Variants in RAB11FIP5 observed in about 807,000 individuals in gnomAD.
The protein encoded by RAB11FIP5 is RAB11 family interacting protein 5.
In RAB11FIP5, 48 loss-of-function variants were observed where a neutral mutation model predicts 85.1. The ratio of observed to expected loss-of-function variants is 0.56; its 90% CI spans 0.45 to 0.72. RAB11FIP5 has a LOEUF of 0.72. Among genes scored for constraint, RAB11FIP5 ranks in the 30% least tolerant of loss-of-function variants. RAB11FIP5 has a pLI of 0.00. For synonymous variants in RAB11FIP5, 729 were observed against 727.3 expected (o/e 1.00, Z -0.04); for missense variants, 1,491 against 1,687.0 (o/e 0.88, Z 2.04).
Position 73,075,309 on chromosome 2 carries a change from C to A in RAB11FIP5, c.*212G>T. The A allele has an allele frequency of 1.4e-6, 1 of 708,618 alleles. No homozygotes were observed. The highest frequency in any genetic ancestry group is 2.6e-6 in the Non-Finnish European group (1 of 390,774). The allele number at this position is 708,618 out of a possible 1,614,324, so 43.9% of individuals were successfully genotyped here. A position where few individuals can be genotyped will look rare whatever the true frequency, so the allele number is the denominator to read the frequency against. On this transcript the variant is annotated 3_prime_UTR_variant, in exon 6 of 6. Transcript: ENST00000486777. This position sits in a 1 kb window ranked among gnomAD's most constrained non-coding sequence, Gnocchi z 4.6. Reference sequence around the variant, plus strand: ...GCAGGTGGGAAAGACCCAGGGCTCCCAAAGACACACAAGTTGTGCACAGAA... The same window carrying A: ...GCAGGTGGGAAAGACCCAGGGCTCCAAAAGACACACAAGTTGTGCACAGAA...
At chr2:73,108,578 T>C (rs1684575971) in intron 1 of RAB11FIP5, among the ~76,000 whole-genome samples, 1 of 152,192 alleles carries the variant, frequency 6.6e-6, no homozygotes. Flanking sequence ...TCTTCTGATA[T>C]ATCCAGGTCC....
chr2:73,097,919 C>T (rs73943408), intron 1 of RAB11FIP5, among the ~76,000 whole-genome samples: 9,045 of 152,118 alleles, frequency 0.059, 320 homozygotes, highest in East Asian at 0.14. Context: ...AAAAAGGCCA[C>T]TGATCTTATC....
intron 1 of RAB11FIP5, among the ~76,000 whole-genome samples, chr2:73,094,251 C>T (rs772570785): frequency 3.3e-5 from 5 of 151,722 alleles, no homozygotes; most frequent in Non-Finnish European, 5.9e-5. Context: ...AAGGTTTTTT[C>T]TCCCTCTCTG....
At chr2:73,094,088 T>A (rs1574300364) in intron 1 of RAB11FIP5, among the ~76,000 whole-genome samples, 1 of 132,588 alleles carries the variant, frequency 7.5e-6, no homozygotes, top group East Asian at 2.2e-4. Flanking sequence ...ATCACTGCAC[T>A]CCAGCCTGGG....
In RAB11FIP5 at chr2:73,076,091, T is replaced by C; in HGVS notation, c.3673A>G (p.Ser1225Gly). The C allele has an allele frequency of 2.5e-6, 4 of 1,614,150 alleles. No homozygotes were observed. The highest frequency in any genetic ancestry group is 3.4e-6 in the Non-Finnish European group (4 of 1,179,950). ...ACTGTTTTGAGCTTCTCCAGCCCAC[T>C]GCTCAGGGCTATGCTCAGACTGGAG... The part of the protein sequence containing the change: ...SRSSLSIALS[S>G]GLEKLKTVTS... Residue 1225 changes from serine to glycine, a missense_variant, in exon 5 of 6, where the codon AGT becomes GGT. Physicochemically the swap from Ser to Gly is moderately conservative, Grantham distance 56. Around this residue, in one of 3 missense-constraint regions of RAB11FIP5, gnomAD observed 232 missense variants for 259.1 expected, o/e 0.90. Coordinates refer to ENST00000486777, the MANE Select transcript of RAB11FIP5 (RefSeq NM_001371272.1).
intron 1 of RAB11FIP5, among the ~76,000 whole-genome samples, chr2:73,107,796 G>T (rs1179681793): frequency 2.0e-5 from 3 of 152,152 alleles, no homozygotes; most frequent in African/African-American, 4.8e-5. Context: ...AGTGCCACAG[G>T]CCTCCCATGC....
chr2:73,088,800 C>T (rs1412693008), intron 2 of RAB11FIP5, 51 bp from the exon 3 acceptor site: 1 of 1,538,432 alleles, frequency 6.5e-7, no homozygotes, highest in Non-Finnish European at 8.7e-7. Context: ...GCCCCATTTC[C>T]TGGCCCCAGG....
Position 73,112,468 on chromosome 2 carries a change from C to T in RAB11FIP5, c.310G>A (p.Ala104Thr), listed in dbSNP as rs1470585447. 3 of 1,477,958 alleles carry T rather than the reference C, an allele frequency of 2.0e-6. No homozygotes were observed. Among genetic ancestry groups the T allele is most frequent in the African/African-American group, 1.5e-5 (1 of 67,806 alleles). 91.6% of individuals were successfully genotyped at this position (1,477,958 alleles called of 1,614,324 possible). A position where few individuals can be genotyped will look rare whatever the true frequency, so the allele number is the denominator to read the frequency against. ...GPAPWAASSA[A>T]ACELVLTTMH... ...GTGGTGAGCACCAGCTCGCAGGCGGCGGCGGAGCTCGCGGCCCAGGGCGCC... is the reference window on the plus strand; with the variant it reads ...GTGGTGAGCACCAGCTCGCAGGCGGTGGCGGAGCTCGCGGCCCAGGGCGCC... The change falls in exon 1 of 6, where the codon GCC (alanine) becomes ACC (threonine). Residue 104 changes from alanine to threonine, a missense_variant. By Grantham distance (58) the Ala-to-Thr change is moderately conservative (BLOSUM62 0). Transcript: ENST00000486777.
In RAB11FIP5 at chr2:73,075,963, A is replaced by T; in HGVS notation, c.3771+30T>A. ...CTGAGACTCCACCACACATTCTGTC[A>T]GATGGCCCCCACACCCTGCTGGGCC... On this transcript the variant is annotated intron_variant, in intron 5 of 5. Coordinates refer to ENST00000486777, the MANE Select transcript of RAB11FIP5 (RefSeq NM_001371272.1). The surrounding 1 kb of genome is among the most constrained non-coding windows in gnomAD (Gnocchi z 4.6). The T allele has an allele frequency of 6.3e-7, 1 of 1,593,612 alleles. No individual in the cohort carries two copies. Among genetic ancestry groups the T allele is most frequent in the Non-Finnish European group, 8.6e-7 (1 of 1,166,368 alleles).
chr2:73,079,383 C>T (rs1377111477), intron 4 of RAB11FIP5, among the ~76,000 whole-genome samples: 1 of 152,194 alleles, frequency 6.6e-6, no homozygotes, highest in East Asian at 1.9e-4. Flanking sequence ...ATTCCTTATA[C>T]CCTGCACCTC....
At chr2:73,110,353 C>T (rs753434282) in intron 1 of RAB11FIP5, among the ~76,000 whole-genome samples, 10 of 152,194 alleles carry the variant, frequency 6.6e-5, no homozygotes, top group Non-Finnish European at 1.5e-4. Flanking sequence ...GAGGTGGGGA[C>T]CACAGCGGGG....
At chr2:73,096,770 G>A (rs921005346) in intron 1 of RAB11FIP5, among the ~76,000 whole-genome samples, 24 of 152,120 alleles carry the variant, frequency 1.6e-4, no homozygotes, top group African/African-American at 5.3e-4. Flanking sequence ...AGCTCAGCAC[G>A]CCCCGCTCTC....
chr2:73,105,062 A>C (rs1684496606), intron 1 of RAB11FIP5, among the ~76,000 whole-genome samples: 1 of 152,196 alleles, frequency 6.6e-6, no homozygotes, highest in South Asian at 2.1e-4. Context: ...CAGGAGGAAG[A>C]ACAGGATGGC....
At position 73,088,403 on chromosome 2, in the gene RAB11FIP5, C is replaced by T. The variant is rs994434150; in HGVS notation, c.1215G>A (p.Glu405=). The change falls in exon 3 of 6, where the codon GAG becomes GAA. Residue 405 remains glutamate (E), a synonymous_variant. Coordinates refer to ENST00000486777, the MANE Select transcript of RAB11FIP5 (RefSeq NM_001371272.1). ...SSSEAVLGQE[E]LSAQAKVLAP... Reference sequence around the variant, plus strand: ...CCAGGACTTTAGCCTGAGCACTCAGCTCCTCCTGTCCAAGCACTGCCTCTG... The same window carrying T: ...CCAGGACTTTAGCCTGAGCACTCAGTTCCTCCTGTCCAAGCACTGCCTCTG... 2.5e-5 allele frequency: 40 copies of T among 1,613,772 alleles called. No homozygotes were observed. The highest frequency in any genetic ancestry group is 3.1e-5 in the Non-Finnish European group (36 of 1,180,042).
Position 73,086,069 on chromosome 2 carries a change from C to G in RAB11FIP5, c.1568+1981G>C, listed in dbSNP as rs556865064. On this transcript the variant is annotated intron_variant, in intron 3 of 5. Transcript: ENST00000486777. The surrounding 1 kb of genome is among the most constrained non-coding windows in gnomAD (Gnocchi z 4.4). ...CCAACAGTCCTTTCTTCCAGGCCAGCCTTCCCCTCCCTGCAAGGCACACAA... is the reference window on the plus strand; with the variant it reads ...CCAACAGTCCTTTCTTCCAGGCCAGGCTTCCCCTCCCTGCAAGGCACACAA... Among the ~76,000 whole-genome samples, 3 of 152,252 alleles carry G rather than the reference C, an allele frequency of 2.0e-5. No homozygotes were observed. Among genetic ancestry groups the G allele is most frequent in the African/African-American group, 2.4e-5 (1 of 41,548 alleles).
intron 1 of RAB11FIP5, among the ~76,000 whole-genome samples, chr2:73,098,155 T>C (rs985140259): frequency 6.6e-6 from 1 of 152,172 alleles, no homozygotes; most frequent in Non-Finnish European, 1.5e-5. Flanking sequence ...TCTATGCCTG[T>C]TTCCTCACCT....
chr2:73,079,521 T>C, intron 4 of RAB11FIP5, 130 bp downstream of exon 4: 1 of 1,134,520 alleles, frequency 8.8e-7, no homozygotes, highest in Non-Finnish European at 1.1e-6. Flanking sequence ...GTCTTGCCTC[T>C]GGGGTAAAAG....
Position 73,081,581 on chromosome 2 carries a change from G to T in RAB11FIP5, c.1651C>A (p.Pro551Thr). Residue 551 changes from proline (P) to threonine (T), a missense_variant, in exon 4 of 6, where the codon CCC becomes ACC. Pro to Thr is a conservative substitution (Grantham distance 38, BLOSUM62 -1). Around this residue, in one of 3 missense-constraint regions of RAB11FIP5, gnomAD observed 1,211 missense variants for 1,338.0 expected, o/e 0.91. Coordinates refer to ENST00000486777, the MANE Select transcript of RAB11FIP5 (RefSeq NM_001371272.1). The surrounding 1 kb of genome is among the most constrained non-coding windows in gnomAD (Gnocchi z 4.2). ...LPCSPWAPAP[P>T]TPAPTAAPML... is the part of the protein sequence containing the mutation. ...GGAGCAGCAGTGGGAGCAGGAGTGG[G>T]AGGGGCCGGAGCCCAGGGGGAGCAG... 1 of 1,206,716 alleles carries T rather than the reference G, an allele frequency of 8.3e-7. No individual in the cohort carries two copies. The allele number at this position is 1,206,716 out of a possible 1,614,324, so 74.8% of individuals were successfully genotyped here. A position where few individuals can be genotyped will look rare whatever the true frequency, so the allele number is the denominator to read the frequency against.
At chr2:73,096,702 A>G (rs1684325919) in intron 1 of RAB11FIP5, among the ~76,000 whole-genome samples, 1 of 152,156 alleles carries the variant, frequency 6.6e-6, no homozygotes, top group South Asian at 2.1e-4. Context: ...CCTGATGGAC[A>G]TTAGATTTCC....
Sources: allele counts gnomAD v4.1 joint callset (sites outside exome capture counted in the v4.1 genomes callset), GRCh38; gene constraint gnomAD v4.1.1; regional missense constraint gnomAD v4.1.1; non-coding constraint Gnocchi (gnomAD v3.1); transcripts MANE v1.5; gene names NCBI Gene and HGNC (gene_info 2026-07-23, HGNC 2026-07-21).